EP400: variants seen among roughly 807,000 people sequenced by gnomAD.
EP400 encodes E1A binding protein p400, also known as E1A-binding protein p400.
Under a neutral mutation model 354.1 loss-of-function variants are expected in EP400, and 105 were observed. That is an observed-to-expected ratio of 0.30 (90% CI 0.25 to 0.35). EP400 has a LOEUF of 0.35. Ranked by LOEUF, EP400 falls within the 10% of genes least tolerant of loss-of-function variation. EP400 has a pLI of 1.00. For missense variants in EP400, 3,280 were observed against 4,121.0 expected, an observed-to-expected ratio of 0.80 and a Z score of 5.59; for synonymous variants, 1,646 against 1,716.9, an observed-to-expected ratio of 0.96 and a Z score of 1.02.
At chr12:131,952,300 C>T (rs1201830414) in intron 1 of EP400, among the ~76,000 whole-genome samples, 3 of 83,224 alleles carry the variant, frequency 3.6e-5, no homozygotes, top group African/African-American at 1.7e-4. Flanking sequence ...GAGACTCTGT[C>T]TCAAAAAAAA....
At chr12:131,992,325 C>G (rs890844133) in intron 11 of EP400, 95 bp downstream of exon 11, 4 of 1,173,144 alleles carry the variant, frequency 3.4e-6, no homozygotes, top group Admixed American at 4.3e-5. Context: ...TTGTCATCTT[C>G]AGCTGGTTGG....
intron 45 of EP400, among the ~76,000 whole-genome samples, chr12:132,059,380 G>A (rs1010391087): frequency 1.3e-5 from 2 of 151,992 alleles, no homozygotes; most frequent in Admixed American, 6.6e-5. Flanking sequence ...GACGGCCCCC[G>A]AGAGGTTGAA....
chr12:132,028,384 C>T (rs1388538436), intron 27 of EP400, 96 bp downstream of exon 27: 17 of 1,460,200 alleles, frequency 1.2e-5, no homozygotes, highest in South Asian at 3.8e-5. Context: ...TTACTCCCAT[C>T]GGCTTCTCCC....
rs201417386 is a variant in EP400, at chr12:132,017,743, C to T, written c.4110+22C>T. 70 of 1,506,484 alleles carry T rather than the reference C, an allele frequency of 4.6e-5. 1 individual carries two copies. In the Middle Eastern group the frequency reaches 1.3e-3, roughly 27 times the overall value. The allele number at this position is 1,506,484 out of a possible 1,614,324, so 93.3% of individuals were successfully genotyped here. A position where few individuals can be genotyped will look rare whatever the true frequency, so the allele number is the denominator to read the frequency against. ...GAAGGTAAGTGGAGGATCCAGAAAG[C>T]GGAATTACTGTTGGATATCTTTTCT... On this transcript the variant is annotated intron_variant, in intron 20 of 52. Transcript: ENST00000389561. This position sits in a 1 kb window ranked among gnomAD's most constrained non-coding sequence, Gnocchi z 5.0.
rs531480742 is a variant in EP400, at chr12:131,987,694, A to G, written c.2224-11A>G. On this transcript the variant is annotated splice_polypyrimidine_tract_variant and intron_variant, in intron 6 of 52. Transcript: ENST00000389561. ...ATGCCGACCCCACCATCCCCCATGTATCATCTACAGGAGAACCAGGTGCAT... is the reference window on the plus strand; with the variant it reads ...ATGCCGACCCCACCATCCCCCATGTGTCATCTACAGGAGAACCAGGTGCAT... 1.9e-6 allele frequency: 3 copies of G among 1,582,014 alleles called. No homozygotes were observed. The highest frequency in any genetic ancestry group is 1.3e-5 in the African/African-American group (1 of 74,226).
In EP400 at chr12:132,028,064, A is replaced by C. The variant is rs748968762; in HGVS notation, c.5157A>C (p.Leu1719Phe). The C allele has an allele frequency of 1.1e-5, 17 of 1,614,222 alleles. No homozygotes were observed. Among genetic ancestry groups the C allele is most frequent in the South Asian group, 1.1e-5 (1 of 91,090 alleles). ...LLKERLDQIY[L>F]VNERRCSQAP... ...AAGAGCGCCTGGATCAGATTTATTT[A>C]GTCAACGAGCGGCGCTGTTCTCAAG... Residue 1719 changes from leucine to phenylalanine, a missense_variant, in exon 27 of 53, where the codon TTA becomes TTC. Leu to Phe is a conservative substitution (Grantham distance 22). Coordinates refer to ENST00000389561, the MANE Select transcript of EP400 (RefSeq NM_015409.5).
At chr12:131,950,489 C>T (rs954622232) in intron 1 of EP400, among the ~76,000 whole-genome samples, 1 of 152,126 alleles carries the variant, frequency 6.6e-6, no homozygotes, top group Non-Finnish European at 1.5e-5. Flanking sequence ...ACGTCCAGAA[C>T]CACTTTCCTG....
At chr12:131,956,348 G>C (rs1291427305) in intron 1 of EP400, among the ~76,000 whole-genome samples, 1 of 152,152 alleles carries the variant, frequency 6.6e-6, no homozygotes. Context: ...TTAACTTAGT[G>C]ATTGTGTTAT....
intron 1 of EP400, among the ~76,000 whole-genome samples, chr12:131,957,950 A>G (rs1188034652): frequency 6.6e-6 from 1 of 152,162 alleles, no homozygotes; most frequent in Non-Finnish European, 1.5e-5. Context: ...GAATTTCTCA[A>G]TGCATTAATT....
intron 39 of EP400, among the ~76,000 whole-genome samples, chr12:132,048,375 C>T (rs2136583668): frequency 6.6e-6 from 1 of 152,358 alleles, no homozygotes; most frequent in East Asian, 1.9e-4. Context: ...GAAATATTCA[C>T]AATCCACGTT....
In EP400 at chr12:132,031,930, T is replaced by C. The variant is rs202049967; in HGVS notation, c.5755-23T>C. 1.8e-5 allele frequency: 28 copies of C among 1,583,780 alleles called. No individual in the cohort carries two copies. In the African/African-American group the frequency reaches 3.4e-4, roughly 19 times the overall value. ...CCCAACATTTTCCAAGAATACTAAC[T>C]CCTGTGTTTTGTTTCATCTTAGGAA... On this transcript the variant is annotated intron_variant, in intron 29 of 52. Transcript: ENST00000389561.
chr12:132,025,934 T>G lies in EP400; in HGVS notation c.5014+130T>G. 1.8e-6 allele frequency: 2 copies of G among 1,132,068 alleles called. No individual in the cohort carries two copies. The highest frequency in any genetic ancestry group is 2.4e-6 in the Non-Finnish European group (2 of 847,934). 70.1% of individuals were successfully genotyped at this position (1,132,068 alleles called of 1,614,324 possible). Reference sequence around the variant, plus strand: ...GCACAGTCTAGTGTGTGGCCATCTCTGATTTCTATAGATGTGTCCTAGTGT... The same window carrying G: ...GCACAGTCTAGTGTGTGGCCATCTCGGATTTCTATAGATGTGTCCTAGTGT... On this transcript the variant is annotated intron_variant, in intron 25 of 52. Coordinates refer to ENST00000389561, the MANE Select transcript of EP400 (RefSeq NM_015409.5). The surrounding 1 kb of genome is among the most constrained non-coding windows in gnomAD (Gnocchi z 4.1).
In EP400 at chr12:132,069,482, A is replaced by C. The variant is rs774853283; in HGVS notation, c.8875-13A>C. On this transcript the variant is annotated splice_polypyrimidine_tract_variant and intron_variant, in intron 50 of 52. Coordinates refer to ENST00000389561, the MANE Select transcript of EP400 (RefSeq NM_015409.5). The stretch of plus-strand genomic sequence containing the variant: ...ATGGTCTCTGCGGCCCTAATTTCGC[A>C]GTCTCTCCCCAGATCACCGCACAGC... 6 of 1,612,382 alleles carry C rather than the reference A, an allele frequency of 3.7e-6. No individual in the cohort carries two copies. The highest frequency in any genetic ancestry group is 5.1e-6 in the Non-Finnish European group (6 of 1,178,670).
chr12:131,977,385 G>A (rs145755959), intron 2 of EP400, among the ~76,000 whole-genome samples: 2,163 of 150,880 alleles, frequency 0.014, 47 homozygotes, highest in African/African-American at 0.05. Flanking sequence ...CACCCACCTC[G>A]GCCTCCCAAA....
In EP400 at chr12:132,037,869, C is replaced by G. The variant is rs371464949; in HGVS notation, c.6063+76C>G. The stretch of plus-strand genomic sequence containing the variant: ...TGGAATCGCATGGTGTTAGTGCACA[C>G]TAGCAAGGGGCTTAGGTCTCCAGCT... On this transcript the variant is annotated intron_variant, in intron 31 of 52. Transcript: ENST00000389561. 1.3e-5 allele frequency: 21 copies of G among 1,611,854 alleles called. No individual in the cohort carries two copies. In the African/African-American group the frequency reaches 2.5e-4, roughly 19 times the overall value.
Position 132,017,758 on chromosome 12 carries a change from A to T in EP400, c.4110+37A>T. 6.7e-7 allele frequency: 1 copy of T among 1,502,672 alleles called. No homozygotes were observed. Among genetic ancestry groups the T allele is most frequent in the Non-Finnish European group, 8.9e-7 (1 of 1,126,052 alleles). The allele number at this position is 1,502,672 out of a possible 1,614,324, so 93.1% of individuals were successfully genotyped here. A position where few individuals can be genotyped will look rare whatever the true frequency, so the allele number is the denominator to read the frequency against. On this transcript the variant is annotated intron_variant, in intron 20 of 52. Transcript: ENST00000389561. The surrounding 1 kb of genome is among the most constrained non-coding windows in gnomAD (Gnocchi z 5.0). Reference sequence around the variant, plus strand: ...ATCCAGAAAGCGGAATTACTGTTGGATATCTTTTCTAGGCACATTATAGAT... The same window carrying T: ...ATCCAGAAAGCGGAATTACTGTTGGTTATCTTTTCTAGGCACATTATAGAT...
chr12:131,990,038 C>G lies in EP400; in HGVS notation c.2484C>G (p.Ser828Arg). 2 of 1,613,588 alleles carry G rather than the reference C, an allele frequency of 1.2e-6. No individual in the cohort carries two copies. The highest frequency in any genetic ancestry group is 1.7e-6 in the Non-Finnish European group (2 of 1,179,894). ...REERGKKEEQSRLRRIAASTA... is the reference protein window; with the variant it reads ...REERGKKEEQRRLRRIAASTA... ...AAAGGGGGAAGAAGGAAGAGCAGAG[C>G]AGACTGAGGCGGATAGCCGCCTCCA... Residue 828 changes from serine to arginine, a missense_variant, in exon 8 of 53, where the codon AGC (serine) becomes AGG (arginine). Transcript: ENST00000389561. The surrounding 1 kb of genome is among the most constrained non-coding windows in gnomAD (Gnocchi z 4.2).
intron 12 of EP400, among the ~76,000 whole-genome samples, chr12:131,996,220 T>G (rs1317650845): frequency 6.6e-6 from 1 of 152,056 alleles, no homozygotes; most frequent in Non-Finnish European, 1.5e-5. Context: ...ATGAGTGGCT[T>G]GCCTGTGCTC....
At chr12:131,968,520 G>A (rs1423700265) in intron 2 of EP400, among the ~76,000 whole-genome samples, 2 of 152,158 alleles carry the variant, frequency 1.3e-5, no homozygotes, top group East Asian at 3.8e-4. Flanking sequence ...CTCCAAGTTT[G>A]TTCTCCTTTT....
Sources: gnomAD v4.1 joint callset for allele counts (sites outside exome capture counted in the v4.1 genomes callset) on GRCh38, gnomAD v4.1.1 for gene constraint, Gnocchi (gnomAD v3.1) non-coding constraint, MANE v1.5 for transcripts, NCBI Gene and HGNC (gene_info 2026-07-23, HGNC 2026-07-21) for gene names.